Variants in ACBD6 observed in about 807,000 individuals in gnomAD.
ACBD6 encodes acyl-CoA binding domain containing 6, also known as acyl-CoA-binding domain-containing protein 6.
A neutral mutation model predicts 37.2 loss-of-function variants in ACBD6; 28 were observed. The observed-to-expected ratio is 0.75, with a 90% CI of 0.56 to 1.03. The LOEUF (loss-of-function observed/expected upper bound fraction) is 1.03, where lower values mean the gene tolerates loss of function less well. Ranked by LOEUF, ACBD6 falls within the 50% of genes least tolerant of loss-of-function variation. The pLI is 0.00. For missense variants in ACBD6, 340 were observed against 337.4 expected (o/e 1.01, Z -0.06); for synonymous variants, 113 against 126.8 (o/e 0.89, Z 0.73).
At chr1:180,371,344 G>A (rs1015115707) in intron 6 of ACBD6, among the ~76,000 whole-genome samples, 1 of 152,056 alleles carries the variant, frequency 6.6e-6, no homozygotes, top group Non-Finnish European at 1.5e-5. Context: ...TCACACGAAT[G>A]AATCAGTTTA....
chr1:180,446,790 T>C (rs1298714732), intron 3 of ACBD6, among the ~76,000 whole-genome samples: 2 of 152,104 alleles, frequency 1.3e-5, no homozygotes, highest in East Asian at 1.9e-4. Flanking sequence ...CCTGTAATCC[T>C]AGCACTTTGG....
chr1:180,288,617 T>C, intron 7 of ACBD6, 100 bp from the exon 8 acceptor site: 1 of 1,357,296 alleles, frequency 7.4e-7, no homozygotes, highest in Non-Finnish European at 1.0e-6. Flanking sequence ...TAAGGAATAC[T>C]GAACAATGAG....
intron 7 of ACBD6, among the ~76,000 whole-genome samples, chr1:180,309,952 G>GT (rs1230004237): frequency 1.3e-5 from 2 of 152,154 alleles, no homozygotes; most frequent in East Asian, 3.9e-4. Flanking sequence ...TGTTTGAGGA[G>GT]TAAGTGATGT....
chr1:180,405,324 T>C (rs951470816), intron 5 of ACBD6, among the ~76,000 whole-genome samples: 1 of 152,172 alleles, frequency 6.6e-6, no homozygotes, highest in African/African-American at 2.4e-5. Context: ...AGGAAACGAA[T>C]GGTAGTCAAG....
intron 4 of ACBD6, among the ~76,000 whole-genome samples, chr1:180,429,218 T>C (rs913705148): frequency 6.6e-6 from 1 of 151,502 alleles, no homozygotes; most frequent in Non-Finnish European, 1.5e-5. Flanking sequence ...ACTGAAACTC[T>C]GTCCCCATTA....
rs1440128234 is a variant in ACBD6, at chr1:180,288,281, G to A, written c.*82C>T. On this transcript the variant is annotated 3_prime_UTR_variant, in exon 8 of 8. Transcript: ENST00000367595. ...TAGCCAATACATACCAAAGACGGGT[G>A]GAAAAGAAGTATTATTTTTGTAGTT... is the stretch of plus-strand genomic sequence containing the variant. 1.1e-5 allele frequency: 18 copies of A among 1,583,738 alleles called. No homozygotes were observed. Among genetic ancestry groups the A allele is most frequent in the Non-Finnish European group, 1.6e-5 (18 of 1,158,028 alleles).
intron 6 of ACBD6, among the ~76,000 whole-genome samples, chr1:180,337,812 G>C (rs1327559248): frequency 6.6e-6 from 1 of 151,912 alleles, no homozygotes; most frequent in Non-Finnish European, 1.5e-5. Flanking sequence ...AAAGTCTCAG[G>C]GTACAAAATC....
chr1:180,436,592 G>A (rs1161261966), intron 3 of ACBD6, among the ~76,000 whole-genome samples: 1 of 152,104 alleles, frequency 6.6e-6, no homozygotes, highest in Non-Finnish European at 1.5e-5. Flanking sequence ...CCACCTATAA[G>A]CTTAGAAGTG....
intron 7 of ACBD6, among the ~76,000 whole-genome samples, chr1:180,293,734 T>A (rs1383471643): frequency 6.6e-6 from 1 of 152,148 alleles, no homozygotes; most frequent in Non-Finnish European, 1.5e-5. Flanking sequence ...ATTTTCTATT[T>A]TTTATTTTTG....
rs372219070 is a variant in ACBD6, at chr1:180,329,305, T to C, written c.664-14583A>G. ...TCACCAAATGGACCCAGACTACTTT[T>C]GCTTTTTGTTGAGTTTGATTTTTGT... On this transcript the variant is annotated intron_variant, in intron 6 of 7. Coordinates refer to ENST00000367595, the MANE Select transcript of ACBD6 (RefSeq NM_032360.4). Among the ~76,000 whole-genome samples the C allele has an allele frequency of 9.2e-5, 14 of 152,378 alleles. No individual in the cohort carries two copies. The East Asian group carries it at 1.7e-3, about 19-fold the overall frequency.
chr1:180,347,952 CAAA>C (rs34993599), intron 6 of ACBD6, among the ~76,000 whole-genome samples: 1 of 135,546 alleles, frequency 7.4e-6, no homozygotes, highest in African/African-American at 2.7e-5. Flanking sequence ...GACCCCGTCT[CAAA>C]AAAAAAAAAG....
At chr1:180,388,511 T>A (rs889257281) in intron 6 of ACBD6, among the ~76,000 whole-genome samples, 31 of 152,208 alleles carry the variant, frequency 2.0e-4, no homozygotes, top group Admixed American at 2.0e-3. Flanking sequence ...ATCTTGTATA[T>A]AAAAATTATA....
intron 5 of ACBD6, among the ~76,000 whole-genome samples, 197 bp from the exon 6 acceptor site, chr1:180,397,802 C>G (rs549649845): frequency 6.6e-6 from 1 of 152,078 alleles, no homozygotes; most frequent in Non-Finnish European, 1.5e-5. Context: ...CCTGTAATCC[C>G]AGCACTTTGA....
At chr1:180,444,799 T>C (rs780489703) in intron 3 of ACBD6, among the ~76,000 whole-genome samples, 2 of 152,222 alleles carry the variant, frequency 1.3e-5, no homozygotes, top group Non-Finnish European at 2.9e-5. Context: ...GTTGAGAAAC[T>C]AAAATGCTCC....
At chr1:180,471,161 A>C (rs766609807) in intron 3 of ACBD6, among the ~76,000 whole-genome samples, 5 of 152,052 alleles carry the variant, frequency 3.3e-5, no homozygotes, top group Non-Finnish European at 7.4e-5. Context: ...GCACTTTGGG[A>C]GGCTGAGGTG....
intron 9 of ACBD6, chr1:180,276,573 G>T (rs1457634428): frequency 6.6e-6 from 1 of 152,210 alleles, no homozygotes; most frequent in African/African-American, 2.4e-5. Flanking sequence ...TGAACACTGG[G>T]GTGGGGAGGA....
intron 3 of ACBD6, among the ~76,000 whole-genome samples, chr1:180,447,724 C>T (rs1216970911): frequency 2.0e-5 from 3 of 152,000 alleles, no homozygotes; most frequent in Non-Finnish European, 4.4e-5. Context: ...GAAATTATAA[C>T]TTTTTTTGGA....
chr1:180,284,656 C>CA (rs1443751135), downstream of ACBD6, among the ~76,000 whole-genome samples: 1 of 151,998 alleles, frequency 6.6e-6, no homozygotes, highest in Non-Finnish European at 1.5e-5. Flanking sequence ...AGGCATGAGC[C>CA]ACCGAGCCTG....
chr1:180,413,032 C>T (rs548253065), intron 5 of ACBD6, among the ~76,000 whole-genome samples: 3 of 152,164 alleles, frequency 2.0e-5, no homozygotes, highest in African/African-American at 7.2e-5. Context: ...GGTATAATAA[C>T]GGAAGACACG....
Sources: allele counts gnomAD v4.1 joint callset (sites outside exome capture counted in the v4.1 genomes callset), GRCh38; gene constraint gnomAD v4.1.1; transcripts MANE v1.5; gene names NCBI Gene and HGNC (gene_info 2026-07-23, HGNC 2026-07-21).